STAG2: variants seen among roughly 807,000 people sequenced by gnomAD.
STAG2 encodes cohesin subunit SA-2.
STAG2 carries 14 observed loss-of-function variants against 108.1 expected under a neutral mutation model. The observed-to-expected ratio is 0.13, with a 90% CI of 0.09 to 0.20. The LOEUF (loss-of-function observed/expected upper bound fraction) is 0.20. STAG2 is among the 10% of genes least tolerant of loss of function. STAG2 has a pLI of 1.00. For synonymous variants in STAG2, 307 were observed against 302.7 expected, an observed-to-expected ratio of 1.01 and a Z score of -0.15; for missense variants, 440 against 940.9, an observed-to-expected ratio of 0.47 and a Z score of 6.96.
In STAG2 at chrX:124,025,903, GCAAGGC is replaced by G. The variant is rs1569506145; in HGVS notation, c.109_114del (p.Gln37_Gly38del). ...AAGATATCGAAGGAAAAAACCAAAA[GCAAGGC>G]AAAGGCAAAGTATGTATCAAATATT... On this transcript the variant is annotated inframe_deletion, in exon 4 of 35. Transcript: ENST00000371145. 1 of 1,183,332 alleles carries G rather than the reference GCAAGGC, an allele frequency of 8.5e-7. No homozygotes were observed. Among genetic ancestry groups the G allele is most frequent in the Admixed American group, 2.3e-5 (1 of 44,037 alleles).
In STAG2 at chrX:124,049,252, G is replaced by A. The variant is rs752528238; in HGVS notation, c.893+174G>A. Among the ~76,000 whole-genome samples the A allele has an allele frequency of 1.3e-4, 14 of 111,726 alleles. 1 individual carries two copies. The South Asian group carries it at 5.3e-3, about 42-fold the overall frequency. On this transcript the variant is annotated intron_variant, in intron 10 of 34. Transcript: ENST00000371145. ...TGGGCAAGTTATTTAACTCATGTGA[G>A]TTTGGTGTTTCCCATCTGAAAAATG... is the stretch of plus-strand genomic sequence containing the variant.
intron 4 of STAG2, among the ~76,000 whole-genome samples, chrX:124,029,120 C>T (rs1160057443): frequency 9.6e-6 from 1 of 104,027 alleles, no homozygotes; most frequent in Non-Finnish European, 2.0e-5. Flanking sequence ...GGGTTCACGC[C>T]ATTCTCCTGC....
chrX:123,973,893 T>C (rs955885834), intron 1 of STAG2, among the ~76,000 whole-genome samples: 2 of 110,176 alleles, frequency 1.8e-5, no homozygotes, highest in African/African-American at 6.6e-5. Context: ...AATGGTAAAC[T>C]AGATTACATA....
chrX:123,965,390 A>G (rs1203285292), intron 1 of STAG2, among the ~76,000 whole-genome samples: 1 of 111,781 alleles, frequency 8.9e-6, no homozygotes, highest in East Asian at 2.8e-4. Flanking sequence ...TAAGATTTTC[A>G]TGAAATCAAA....
At chrX:124,016,834 G>T (rs918012219) in intron 1 of STAG2, among the ~76,000 whole-genome samples, 13 of 111,246 alleles carry the variant, frequency 1.2e-4, no homozygotes, top group Admixed American at 1.9e-4. Flanking sequence ...GGGCATGGTG[G>T]TGCTCGCCTA....
Position 124,009,443 on chromosome X carries a change from G to GTAGGTAGATAGATAGA in STAG2, c.-162-11921_-162-11920insGTAGATAGATAGATAG, listed in dbSNP as rs1556479689. 4.2e-4 allele frequency among the ~76,000 whole-genome samples: 27 copies of GTAGGTAGATAGATAGA among 63,594 alleles called. No homozygotes were observed. In the East Asian group the frequency reaches 7.0e-3, roughly 17 times the overall value. 55.2% of individuals were successfully genotyped at this position (63,594 alleles called of 115,157 possible). ...GGTAGGTAGGTAGGTAGGTAGGTAG[G>GTAGGTAGATAGATAGA]TAGATAGATAGATAGATAGATAGAT... On this transcript the variant is annotated intron_variant, in intron 1 of 34. Transcript: ENST00000371145.
chrX:124,004,389 T>A (rs2056193635), intron 1 of STAG2, among the ~76,000 whole-genome samples: 1 of 112,235 alleles, frequency 8.9e-6, no homozygotes, highest in Non-Finnish European at 1.9e-5. Context: ...ACCATTCTAC[T>A]TTCTCTTTGA....
At chrX:124,023,091 T>C (rs1041453795) in intron 3 of STAG2, among the ~76,000 whole-genome samples, 2 of 112,497 alleles carry the variant, frequency 1.8e-5, no homozygotes, top group African/African-American at 3.2e-5. Context: ...AAGTTACATG[T>C]ATATTGGTCC....
chrX:124,026,345 A>AT (rs2057103653), intron 4 of STAG2, among the ~76,000 whole-genome samples: 1 of 110,912 alleles, frequency 9.0e-6, no homozygotes, highest in South Asian at 3.7e-4. Context: ...TGGGTTACAA[A>AT]TGACAATAGT....
chrX:124,090,854 C>T lies in STAG2; in HGVS notation c.3468C>T (p.Asn1156=). Residue 1156 remains asparagine, a splice_region_variant and synonymous_variant, in exon 32 of 35, where the codon AAC becomes AAT. Coordinates refer to ENST00000371145, the MANE Select transcript of STAG2 (RefSeq NM_001042750.2). The stretch of plus-strand genomic sequence containing the variant: ...AAGAGGAATAAAATTCTCCTTGAAG[C>T]ACGCAGGTAACATGGATGTTAGCTC... ...TEHHQTPLDY[N]TQVTWMLAQR... 8.3e-7 allele frequency: 1 copy of T among 1,208,608 alleles called. No individual in the cohort carries two copies. Among genetic ancestry groups the T allele is most frequent in the Non-Finnish European group, 1.1e-6 (1 of 893,411 alleles).
intron 1 of STAG2, among the ~76,000 whole-genome samples, chrX:124,001,429 A>G (rs2056037657): frequency 9.0e-6 from 1 of 111,533 alleles, no homozygotes; most frequent in Non-Finnish European, 1.9e-5. Flanking sequence ...TCCTAAATGT[A>G]CAGTGTTTAT....
intron 1 of STAG2, among the ~76,000 whole-genome samples, chrX:123,987,640 G>A: frequency 8.9e-6 from 1 of 112,229 alleles, no homozygotes; most frequent in South Asian, 3.6e-4. Flanking sequence ...AGGAATAGGT[G>A]CAAATCTCTG....
chrX:124,052,077 C>G (rs1244937994), intron 13 of STAG2, among the ~76,000 whole-genome samples: 1 of 112,278 alleles, frequency 8.9e-6, no homozygotes, highest in African/African-American at 3.2e-5. Flanking sequence ...TTATACTTCT[C>G]ATAGCACCTT....
chrX:124,100,505 A>G, intron 34 of STAG2, 69 bp from the exon 35 acceptor site: 1 of 931,963 alleles, frequency 1.1e-6, no homozygotes, highest in African/African-American at 2.0e-5. Context: ...TTAATGTAAT[A>G]TTTATGGATA....
chrX:124,017,202 G>C (rs1172364243), intron 1 of STAG2, among the ~76,000 whole-genome samples: 6 of 109,294 alleles, frequency 5.5e-5, no homozygotes, highest in African/African-American at 2.0e-4. Context: ...ACTTGGGATT[G>C]AATTAAATAC....
chrX:124,018,756 C>T (rs1461407659), intron 1 of STAG2, among the ~76,000 whole-genome samples: 1 of 111,093 alleles, frequency 9.0e-6, no homozygotes, highest in African/African-American at 3.3e-5. Context: ...CAACCTCATC[C>T]TCCCAAAGCG....
intron 17 of STAG2, 76 bp downstream of exon 17, chrX:124,061,950 T>G (rs1008071414): frequency 3.0e-5 from 24 of 804,278 alleles, no homozygotes; most frequent in Non-Finnish European, 4.2e-5. Flanking sequence ...AATTCCATTT[T>G]AGCCATGAAA....
chrX:123,969,600 G>A (rs1171824534), intron 1 of STAG2, among the ~76,000 whole-genome samples: 2 of 109,898 alleles, frequency 1.8e-5, no homozygotes, highest in Non-Finnish European at 1.9e-5. Flanking sequence ...AGGGCCCCAA[G>A]TTATTAGGTT....
intron 19 of STAG2, 90 bp downstream of exon 19, chrX:124,063,295 T>C (rs1184648930): frequency 2.8e-6 from 2 of 723,457 alleles, no homozygotes; most frequent in African/African-American, 4.4e-5. Context: ...AAAATGTTTT[T>C]TTGGAACGTA....
Sources: gnomAD v4.1 joint callset for allele counts (sites outside exome capture counted in the v4.1 genomes callset) on GRCh38, gnomAD v4.1.1 for gene constraint, MANE v1.5 for transcripts, NCBI Gene and HGNC (gene_info 2026-07-23, HGNC 2026-07-21) for gene names.